The following KIAA0825 variants were observed in gnomAD, a reference collection of about 807,000 sequenced individuals.
KIAA0825 encodes KIAA0825.
In KIAA0825, 119 loss-of-function variants were observed where a neutral mutation model predicts 147.6. The ratio of observed to expected loss-of-function variants is 0.81; its 90% CI spans 0.69 to 0.94. The LOEUF (loss-of-function observed/expected upper bound fraction) is 0.94, where lower values mean the gene tolerates loss of function less well. KIAA0825 is among the 40% of genes least tolerant of loss of function. The pLI is 0.00. For synonymous variants in KIAA0825, 470 were observed against 518.1 expected (o/e 0.91, Z 1.26); for missense variants, 1,381 against 1,472.7 (o/e 0.94, Z 1.02).
At chr5:94,278,969 T>C (rs1330287601) in intron 20 of KIAA0825, among the ~76,000 whole-genome samples, 5 of 152,108 alleles carry the variant, frequency 3.3e-5, no homozygotes, top group Admixed American at 1.3e-4. Context: ...AAATTAGCTA[T>C]TTCAATACAA....
intron 1 of KIAA0825, chr5:94,615,753 TA>T (rs1459747997): frequency 1.3e-5 from 2 of 152,000 alleles, no homozygotes; most frequent in East Asian, 3.9e-4. Flanking sequence ...GTAAATCCTT[TA>T]AAAAATGTAC....
intron 20 of KIAA0825, among the ~76,000 whole-genome samples, chr5:94,253,535 T>C (rs1286086554): frequency 1.3e-5 from 2 of 152,148 alleles, no homozygotes; most frequent in Non-Finnish European, 2.9e-5. Flanking sequence ...ATTTTAGCTT[T>C]GCAGAATTCA....
intron 2 of KIAA0825, among the ~76,000 whole-genome samples, chr5:94,557,177 G>A (rs113465966): frequency 1.3e-5 from 2 of 151,968 alleles, no homozygotes; most frequent in East Asian, 1.9e-4. Flanking sequence ...GCAGTGGCAC[G>A]ATCACAGTTC....
At chr5:94,496,317 T>C (rs942566033) in intron 5 of KIAA0825, among the ~76,000 whole-genome samples, 2 of 152,338 alleles carry the variant, frequency 1.3e-5, no homozygotes, top group African/African-American at 4.8e-5. Context: ...CACTGATCTA[T>C]GGCTACTCTG....
intron 20 of KIAA0825, among the ~76,000 whole-genome samples, chr5:94,179,069 T>C (rs980545086): frequency 9.9e-5 from 15 of 152,116 alleles, no homozygotes; most frequent in African/African-American, 3.4e-4. Flanking sequence ...CATGATATTC[T>C]TAACAAAGCA....
chr5:94,321,397 T>A (rs1780187311), intron 20 of KIAA0825, among the ~76,000 whole-genome samples: 1 of 151,992 alleles, frequency 6.6e-6, no homozygotes, highest in Non-Finnish European at 1.5e-5. Context: ...CAGCTATTAT[T>A]TGAAGTTTTT....
chr5:94,286,290 T>G (rs1777662268), intron 20 of KIAA0825, among the ~76,000 whole-genome samples: 1 of 152,170 alleles, frequency 6.6e-6, no homozygotes, highest in African/African-American at 2.4e-5. Flanking sequence ...ATTTAAAATT[T>G]AGATTAGATA....
At chr5:94,493,543 A>T (rs1763970934) in intron 5 of KIAA0825, among the ~76,000 whole-genome samples, 1 of 152,178 alleles carries the variant, frequency 6.6e-6, no homozygotes, top group Non-Finnish European at 1.5e-5. Flanking sequence ...GCTGGAGTGC[A>T]GTGGCGCAAT....
intron 20 of KIAA0825, among the ~76,000 whole-genome samples, chr5:94,209,444 G>A (rs1433909916): frequency 6.6e-6 from 1 of 152,142 alleles, no homozygotes; most frequent in African/African-American, 2.4e-5. Flanking sequence ...TTGCACATCA[G>A]TAGGTCCGGT....
At chr5:94,521,954 C>T (rs1037498127) in intron 4 of KIAA0825, among the ~76,000 whole-genome samples, 1 of 151,730 alleles carries the variant, frequency 6.6e-6, no homozygotes, top group Non-Finnish European at 1.5e-5. Context: ...AATTCCTAGA[C>T]AAATTCCAGG....
chr5:94,303,881 C>T (rs577634853), intron 20 of KIAA0825, among the ~76,000 whole-genome samples: 2 of 152,028 alleles, frequency 1.3e-5, no homozygotes, highest in African/African-American at 4.8e-5. Context: ...TGAGGCCTGG[C>T]CACAGAGAGA....
chr5:94,336,266 T>C (rs1011760683), intron 20 of KIAA0825, among the ~76,000 whole-genome samples: 1 of 151,922 alleles, frequency 6.6e-6, no homozygotes, highest in Non-Finnish European at 1.5e-5. Context: ...TCTTTCTTTT[T>C]TTTTTTTTTA....
chr5:94,228,782 A>G (rs1209613353), intron 20 of KIAA0825, among the ~76,000 whole-genome samples: 1 of 152,240 alleles, frequency 6.6e-6, no homozygotes, highest in Non-Finnish European at 1.5e-5. Flanking sequence ...AAAGCCTATC[A>G]TATTTTCTGA....
chr5:94,445,258 C>T (rs1757583128), intron 13 of KIAA0825, among the ~76,000 whole-genome samples: 1 of 152,132 alleles, frequency 6.6e-6, no homozygotes, highest in South Asian at 2.1e-4. Context: ...TGAAGTAAGT[C>T]CTTTCAACAT....
chr5:94,608,162 T>C (rs1397948295), intron 1 of KIAA0825, among the ~76,000 whole-genome samples: 3 of 151,846 alleles, frequency 2.0e-5, no homozygotes, highest in South Asian at 2.1e-4. Context: ...CCTACCACAG[T>C]ACTCATTGTA....
At chr5:94,596,246 G>A (rs1278495592) in intron 1 of KIAA0825, among the ~76,000 whole-genome samples, 14 of 152,082 alleles carry the variant, frequency 9.2e-5, no homozygotes, top group African/African-American at 3.4e-4. Flanking sequence ...ATCCATTTTA[G>A]TCGATTTTTG....
rs1788187690 is a variant in KIAA0825 at position 94,609,022 on chromosome 5, TA to T, written c.-153+9477del. Among the ~76,000 whole-genome samples, 5 of 152,314 alleles carry T rather than the reference TA, an allele frequency of 3.3e-5. No homozygotes were observed. In the South Asian group the frequency reaches 1.0e-3, roughly 32 times the overall value. ...AGTACAAAATAGACCAAGGGATTTT[TA>T]AAGTAATAGTGTACCAAAAATAAAC... is the stretch of plus-strand genomic sequence containing the variant. On this transcript the variant is annotated intron_variant, in intron 1 of 20. Coordinates refer to ENST00000682413, the MANE Select transcript of KIAA0825 (RefSeq NM_001145678.3).
At chr5:94,473,570 T>C in intron 7 of KIAA0825, 51 bp from the exon 8 acceptor site, 1 of 1,087,288 alleles carries the variant, frequency 9.2e-7, no homozygotes, top group Non-Finnish European at 1.4e-6. Context: ...CAGCAACAAA[T>C]GTTTCTATTG....
intron 7 of KIAA0825, among the ~76,000 whole-genome samples, chr5:94,474,441 C>T (rs1403300843): frequency 4.6e-5 from 7 of 152,050 alleles, no homozygotes; most frequent in Non-Finnish European, 8.8e-5. Context: ...GCTCCATGTC[C>T]CTGACTGAAT....
Sources: gnomAD v4.1 joint callset for allele counts (sites outside exome capture counted in the v4.1 genomes callset) on GRCh38, gnomAD v4.1.1 for gene constraint, MANE v1.5 for transcripts, NCBI Gene and HGNC (gene_info 2026-07-23, HGNC 2026-07-21) for gene names.